NAALADL2: variants seen among roughly 807,000 people sequenced by gnomAD.
NAALADL2 encodes the protein inactive N-acetylated-alpha-linked acidic dipeptidase-like protein 2.
NAALADL2 carries 76 observed loss-of-function variants against 87.2 expected under a neutral mutation model. That is an observed-to-expected ratio of 0.87 (90% CI 0.72 to 1.05). The LOEUF is 1.05. Ranked by LOEUF, NAALADL2 falls within the 50% of genes least tolerant of loss-of-function variation. NAALADL2 has a pLI of 0.00. For synonymous variants in NAALADL2, 354 were observed against 331.0 expected (o/e 1.07, Z -0.75); for missense variants, 1,089 against 945.8 (o/e 1.15, Z -1.99).
intron 5 of NAALADL2, among the ~76,000 whole-genome samples, chr3:175,370,617 T>A (rs2148947105): frequency 6.6e-6 from 1 of 152,320 alleles, no homozygotes; most frequent in South Asian, 2.1e-4. Context: ...CTGCTGACTC[T>A]ACATGTGTAG....
At chr3:174,827,536 A>G (rs991587502) in intron 3 of NAALADL2, among the ~76,000 whole-genome samples, 1 of 152,166 alleles carries the variant, frequency 6.6e-6, no homozygotes, top group East Asian at 1.9e-4. Context: ...TCTTAGATTC[A>G]GGTTATTAGT....
chr3:174,857,364 C>A (rs1050026717), upstream of NAALADL2, among the ~76,000 whole-genome samples: 3 of 152,044 alleles, frequency 2.0e-5, no homozygotes, highest in Non-Finnish European at 4.4e-5. Context: ...GAACTTAAGA[C>A]CTTTCTGGTG....
chr3:174,940,421 G>A (rs35685238), intron 1 of NAALADL2, among the ~76,000 whole-genome samples: 6,255 of 152,054 alleles, frequency 0.041, 430 homozygotes, highest in African/African-American at 0.14. Context: ...CAAGTATCTT[G>A]TCAAGAATTT....
chr3:174,846,697 G>A (rs1579181336), intron 3 of NAALADL2, among the ~76,000 whole-genome samples: 1 of 152,276 alleles, frequency 6.6e-6, no homozygotes, highest in South Asian at 2.1e-4. Flanking sequence ...GGGGACATCA[G>A]AGAAGCCTTT....
intron 1 of NAALADL2, among the ~76,000 whole-genome samples, chr3:174,479,384 A>T (rs1334944054): frequency 6.6e-6 from 1 of 152,190 alleles, no homozygotes; most frequent in African/African-American, 2.4e-5. Context: ...GAACATCATT[A>T]TCACTATTTT....
At chr3:175,603,315 A>G (rs545723504) in intron 10 of NAALADL2, among the ~76,000 whole-genome samples, 24 of 152,306 alleles carry the variant, frequency 1.6e-4, no homozygotes, top group African/African-American at 5.3e-4. Flanking sequence ...TCAGTTTTAT[A>G]TATAACATAA....
At chr3:175,071,993 A>G (rs888958096) in intron 1 of NAALADL2, among the ~76,000 whole-genome samples, 2 of 151,970 alleles carry the variant, frequency 1.3e-5, no homozygotes, top group Admixed American at 1.3e-4. Flanking sequence ...TCCACTTCAC[A>G]TATTCTTTTT....
At chr3:174,862,472 G>A (rs754734722) in intron 1 of NAALADL2, among the ~76,000 whole-genome samples, 2 of 151,980 alleles carry the variant, frequency 1.3e-5, no homozygotes, top group African/African-American at 2.4e-5. Context: ...ACTTCTCCCA[G>A]GATTCTTATT....
intron 2 of NAALADL2, among the ~76,000 whole-genome samples, chr3:175,165,338 A>G (rs536801853): frequency 3.9e-5 from 6 of 152,238 alleles, no homozygotes; most frequent in Admixed American, 3.3e-4. Flanking sequence ...CCTGGCCCCA[A>G]ATGAATTCTT....
At chr3:175,776,975 G>T (rs1389343410) in intron 13 of NAALADL2, among the ~76,000 whole-genome samples, 1 of 151,836 alleles carries the variant, frequency 6.6e-6, no homozygotes, top group Admixed American at 6.6e-5. Flanking sequence ...ATAATAAACT[G>T]ACTACATTGT....
At chr3:175,195,815 G>C (rs1334062878) in intron 2 of NAALADL2, among the ~76,000 whole-genome samples, 1 of 151,878 alleles carries the variant, frequency 6.6e-6, no homozygotes, top group Non-Finnish European at 1.5e-5. Flanking sequence ...TATCTTCAAT[G>C]CTTCAATGGT....
At chr3:174,839,542 G>T (rs1422527466) in intron 3 of NAALADL2, among the ~76,000 whole-genome samples, 1 of 152,042 alleles carries the variant, frequency 6.6e-6, no homozygotes, top group Non-Finnish European at 1.5e-5. Context: ...AGAACAGTCA[G>T]CAGAGTAACC....
intron 2 of NAALADL2, among the ~76,000 whole-genome samples, chr3:174,696,591 TCTA>T (rs1248159928): frequency 1.2e-5 from 1 of 80,344 alleles, no homozygotes; most frequent in Admixed American, 1.6e-4. Flanking sequence ...GGTGTAGTTA[TCTA>T]AAAAAAAAAA....
chr3:174,796,690 T>C (rs1018844876), intron 3 of NAALADL2, among the ~76,000 whole-genome samples: 1 of 49,478 alleles, frequency 2.0e-5, no homozygotes. Flanking sequence ...TATGAGTACA[T>C]GTCTCTTTTT....
At chr3:175,611,234 A>G (rs1206559966) in intron 10 of NAALADL2, among the ~76,000 whole-genome samples, 2 of 152,158 alleles carry the variant, frequency 1.3e-5, no homozygotes, top group Non-Finnish European at 2.9e-5. Flanking sequence ...GCACTTTTAC[A>G]AAGGCAAATA....
chr3:175,619,709 A>G (rs1046239815), intron 10 of NAALADL2, among the ~76,000 whole-genome samples: 1 of 152,076 alleles, frequency 6.6e-6, no homozygotes. Flanking sequence ...CACCCTTAAC[A>G]TTGTATATAA....
At chr3:174,519,193 T>A (rs1324198289) in intron 1 of NAALADL2, among the ~76,000 whole-genome samples, 1 of 152,114 alleles carries the variant, frequency 6.6e-6, no homozygotes, top group Non-Finnish European at 1.5e-5. Context: ...TTCTTAAACA[T>A]GGGGATAACA....
At chr3:174,944,755 G>T (rs1426983409) in intron 1 of NAALADL2, among the ~76,000 whole-genome samples, 1 of 152,136 alleles carries the variant, frequency 6.6e-6, no homozygotes, top group African/African-American at 2.4e-5. Context: ...GTGGGCTCAC[G>T]AGGGGATCTC....
chr3:175,167,428 T>G (rs1255168593), intron 2 of NAALADL2, among the ~76,000 whole-genome samples: 1 of 152,078 alleles, frequency 6.6e-6, no homozygotes, highest in Non-Finnish European at 1.5e-5. Context: ...GACTTGGCTC[T>G]TTCTTTCCTT....
Sources: gnomAD v4.1 joint callset for allele counts (sites outside exome capture counted in the v4.1 genomes callset) on GRCh38, gnomAD v4.1.1 for gene constraint, MANE v1.5 for transcripts, NCBI Gene and HGNC (gene_info 2026-07-23, HGNC 2026-07-21) for gene names.